RCAN2: variants seen among roughly 807,000 people sequenced by gnomAD.
RCAN2 encodes the protein calcipressin-2.
A neutral mutation model predicts 23.6 loss-of-function variants in RCAN2; 9 were observed. The observed-to-expected ratio is 0.38, with a 90% CI of 0.23 to 0.67. The LOEUF is 0.67. Among genes scored for constraint, RCAN2 ranks in the 30% least tolerant of loss-of-function variants. The probability of loss-of-function intolerance (pLI) is 0.51; values close to 1 mark genes in which losing one functional copy is unlikely to be tolerated. For missense variants in RCAN2, 273 were observed against 302.3 expected, an observed-to-expected ratio of 0.90 and a Z score of 0.72; for synonymous variants, 109 against 115.7, an observed-to-expected ratio of 0.94 and a Z score of 0.37.
At chr6:46,323,080 T>C (rs1332641931) in intron 2 of RCAN2, among the ~76,000 whole-genome samples, 1 of 152,138 alleles carries the variant, frequency 6.6e-6, no homozygotes, top group African/African-American at 2.4e-5. Flanking sequence ...TGTTTGTGTG[T>C]ATTGGGAGTG....
intron 4 of RCAN2, among the ~76,000 whole-genome samples, chr6:46,234,326 A>G (rs1485894045): frequency 1.3e-5 from 2 of 152,224 alleles, no homozygotes; most frequent in African/African-American, 4.8e-5. Flanking sequence ...AAAAAGAAAT[A>G]GCTTTGGTCT....
At chr6:46,280,861 C>T (rs1449005962) in intron 2 of RCAN2, among the ~76,000 whole-genome samples, 1 of 152,062 alleles carries the variant, frequency 6.6e-6, no homozygotes, top group East Asian at 1.9e-4. Context: ...CATGTGCATA[C>T]ATGTGGGGCA....
intron 2 of RCAN2, among the ~76,000 whole-genome samples, chr6:46,441,457 G>T (rs1393535448): frequency 6.6e-6 from 1 of 152,144 alleles, no homozygotes; most frequent in Non-Finnish European, 1.5e-5. Flanking sequence ...GGAATGTAAA[G>T]ACTAGACCAT....
chr6:46,374,161 T>C (rs961271072), intron 2 of RCAN2, among the ~76,000 whole-genome samples: 4 of 152,226 alleles, frequency 2.6e-5, no homozygotes, highest in Admixed American at 2.6e-4. Context: ...TACTAAATTA[T>C]TGGTTATGTG....
chr6:46,370,027 G>A (rs990700282), intron 2 of RCAN2, among the ~76,000 whole-genome samples: 11 of 152,136 alleles, frequency 7.2e-5, no homozygotes, highest in African/African-American at 2.4e-4. Flanking sequence ...ACAGTCTAAC[G>A]GCACAGGGGG....
intron 1 of RCAN2, among the ~76,000 whole-genome samples, chr6:46,486,480 C>T (rs141891854): frequency 8.5e-5 from 13 of 152,216 alleles, no homozygotes; most frequent in African/African-American, 2.9e-4. Context: ...ACTTCATTCC[C>T]AACACTGTAT....
At chr6:46,388,021 C>A (rs756092346) in intron 2 of RCAN2, among the ~76,000 whole-genome samples, 1 of 151,832 alleles carries the variant, frequency 6.6e-6, no homozygotes, top group Non-Finnish European at 1.5e-5. Context: ...CCAAACACCG[C>A]ACGTTCTCAC....
intron 2 of RCAN2, among the ~76,000 whole-genome samples, chr6:46,301,443 A>G (rs1762900410): frequency 6.6e-6 from 1 of 152,060 alleles, no homozygotes; most frequent in Non-Finnish European, 1.5e-5. Flanking sequence ...CCAAGCTGGG[A>G]CAATCAAATC....
At position 46,223,085 on chromosome 6, in the gene RCAN2, A is replaced by AG; in HGVS notation, c.*55dup. 2 of 1,579,450 alleles carry AG rather than the reference A, an allele frequency of 1.3e-6. No individual in the cohort carries two copies. Among genetic ancestry groups the AG allele is most frequent in the Non-Finnish European group, 1.7e-6 (2 of 1,161,722 alleles). ...AAGGCAATTTTTTTTGACAAACAAC[A>AG]GGGGGAAAAAGCATGATAAAGAGGA... On this transcript the variant is annotated 3_prime_UTR_variant, in exon 5 of 5. Transcript: ENST00000371374.
At chr6:46,232,747 C>A (rs575572859) in intron 4 of RCAN2, among the ~76,000 whole-genome samples, 1 of 131,244 alleles carries the variant, frequency 7.6e-6, no homozygotes, top group African/African-American at 2.9e-5. Flanking sequence ...GAGCTGAGGT[C>A]ATGCCACTGC....
intron 2 of RCAN2, among the ~76,000 whole-genome samples, chr6:46,272,728 T>C (rs1056969160): frequency 1.3e-5 from 2 of 152,238 alleles, no homozygotes; most frequent in East Asian, 3.8e-4. Flanking sequence ...AAACAAATGT[T>C]AAAAATAGGA....
At chr6:46,454,163 C>T (rs1038042792) in intron 2 of RCAN2, among the ~76,000 whole-genome samples, 1 of 152,212 alleles carries the variant, frequency 6.6e-6, no homozygotes, top group Non-Finnish European at 1.5e-5. Flanking sequence ...GGAAAATACC[C>T]ATCATCAGAC....
intron 2 of RCAN2, among the ~76,000 whole-genome samples, chr6:46,311,132 A>G (rs1055692237): frequency 5.3e-5 from 8 of 152,312 alleles, no homozygotes; most frequent in Admixed American, 1.3e-4. Flanking sequence ...ATTAGTAACT[A>G]TTAGGGCCAG....
In RCAN2 at chr6:46,456,843, G is replaced by C. The variant is rs866271669; in HGVS notation, c.134C>G (p.Ala45Gly). The change falls in exon 2 of 5, where the codon GCC (alanine) becomes GGC (glycine). Residue 45 changes from alanine (A) to glycine (G), a missense_variant. Coordinates refer to ENST00000371374, the MANE Select transcript of RCAN2 (RefSeq NM_001251974.2). ...ATTGAAGTCAGTGATTGCTTGAAAG[G>C]CTTCTTCTGCAAAACAACGAGTGAC... ...WAVTRCFAEE[A>G]FQAITDFNDL... 28 of 1,550,558 alleles carry C rather than the reference G, an allele frequency of 1.8e-5. No homozygotes were observed. The highest frequency in any genetic ancestry group is 2.4e-5 in the East Asian group (1 of 40,928).
chr6:46,258,362 A>G (rs1766991853), intron 2 of RCAN2, among the ~76,000 whole-genome samples: 1 of 152,218 alleles, frequency 6.6e-6, no homozygotes. Flanking sequence ...TAGGCCAGCC[A>G]AACTTGTATG....
intron 2 of RCAN2, among the ~76,000 whole-genome samples, chr6:46,429,532 G>A (rs556713179): frequency 4.6e-5 from 7 of 152,226 alleles, no homozygotes; most frequent in South Asian, 4.1e-4. Context: ...AGTTATCAAC[G>A]TTTTAATTTC....
chr6:46,465,485 C>T (rs1001719163), intron 1 of RCAN2, among the ~76,000 whole-genome samples: 7 of 152,140 alleles, frequency 4.6e-5, no homozygotes, highest in Admixed American at 6.5e-5. Context: ...CTAGCACTCT[C>T]CCTAGATTTG....
At chr6:46,469,453 G>T (rs1023663144) in intron 1 of RCAN2, among the ~76,000 whole-genome samples, 68 of 152,312 alleles carry the variant, frequency 4.5e-4, no homozygotes, top group African/African-American at 1.6e-3. Context: ...GATGGAACCA[G>T]TCTTGGTAGC....
intron 2 of RCAN2, among the ~76,000 whole-genome samples, chr6:46,310,243 G>C (rs918209976): frequency 6.6e-6 from 1 of 151,988 alleles, no homozygotes; most frequent in Non-Finnish European, 1.5e-5. Flanking sequence ...TAATTGCCTG[G>C]AATAATTGTG....
Sources: gnomAD v4.1 joint callset for allele counts (sites outside exome capture counted in the v4.1 genomes callset) on GRCh38, gnomAD v4.1.1 for gene constraint, MANE v1.5 for transcripts, NCBI Gene and HGNC (gene_info 2026-07-23, HGNC 2026-07-21) for gene names.